The following CADM2 variants were observed in gnomAD, a reference collection of about 807,000 sequenced individuals.
CADM2 encodes cell adhesion molecule 2, also known as immunoglobulin superfamily member 4D.
CADM2 carries 12 observed loss-of-function variants against 49.8 expected under a neutral mutation model. The observed-to-expected ratio is 0.24, with a 90% CI of 0.15 to 0.39. The LOEUF (loss-of-function observed/expected upper bound fraction) is 0.39, where lower values mean the gene tolerates loss of function less well. CADM2 is among the 10% of genes least tolerant of loss of function. The pLI, the probability that CADM2 is intolerant of heterozygous loss-of-function variation, is 1.00. For synonymous variants in CADM2, 214 were observed against 175.4 expected (o/e 1.22, Z -1.74); for missense variants, 378 against 492.3 (o/e 0.77, Z 2.20).
chr3:85,359,651 TATATATATA>T (rs1473231961), intron 1 of CADM2, among the ~76,000 whole-genome samples: 2 of 15,286 alleles, frequency 1.3e-4, no homozygotes, highest in African/African-American at 2.2e-4. Context: ...TATATATATA[TATATATATA>T]TATATATTTT....
rs189743315 is a variant in CADM2 at position 85,227,959 on chromosome 3, T to C, written c.61+268291T>C. Among the ~76,000 whole-genome samples, 273 of 152,338 alleles carry C rather than the reference T, an allele frequency of 1.8e-3. 1 individual carries two copies. The highest frequency in any genetic ancestry group is 6.3e-3 in the African/African-American group (262 of 41,584). On this transcript the variant is annotated intron_variant, in intron 1 of 9. Transcript: ENST00000383699. ...TATTTTCTTTAAGAATGTTGAATAT[T>C]GGCCCCCATTCTCTTCTGGCTTATA...
intron 1 of CADM2, among the ~76,000 whole-genome samples, chr3:85,502,007 C>A (rs1032811375): frequency 6.6e-6 from 1 of 151,924 alleles, no homozygotes; most frequent in African/African-American, 2.4e-5. Flanking sequence ...TGAATTTAAA[C>A]GCTGAAAAAA....
chr3:85,783,358 C>T (rs568869400), intron 2 of CADM2, among the ~76,000 whole-genome samples: 1 of 152,302 alleles, frequency 6.6e-6, no homozygotes, highest in South Asian at 2.1e-4. Context: ...AAGTGTATGC[C>T]TTACTTCTCA....
At chr3:85,965,262 ATAT>A (rs2108625727) in intron 8 of CADM2, among the ~76,000 whole-genome samples, 1 of 148,252 alleles carries the variant, frequency 6.7e-6, no homozygotes, top group East Asian at 2.0e-4. Context: ...TTATTTATAA[ATAT>A]TATAAATATA....
At chr3:85,321,376 G>T (rs919596609) in intron 1 of CADM2, among the ~76,000 whole-genome samples, 1 of 150,348 alleles carries the variant, frequency 6.7e-6, no homozygotes, top group African/African-American at 2.4e-5. Context: ...GTAGACATAG[G>T]GTTTCGTCAT....
At chr3:85,446,200 A>G (rs906282139) in intron 1 of CADM2, among the ~76,000 whole-genome samples, 2 of 152,200 alleles carry the variant, frequency 1.3e-5, no homozygotes, top group Admixed American at 6.5e-5. Flanking sequence ...AACACAGAAG[A>G]GATTCAGTGA....
At chr3:85,675,135 A>G (rs899635515) in intron 1 of CADM2, among the ~76,000 whole-genome samples, 3 of 152,180 alleles carry the variant, frequency 2.0e-5, no homozygotes, top group African/African-American at 7.2e-5. Context: ...ATGACAAAGT[A>G]TCCGTGTGCC....
chr3:85,319,184 AT>A (rs954443389), intron 1 of CADM2, among the ~76,000 whole-genome samples: 1 of 152,166 alleles, frequency 6.6e-6, no homozygotes, highest in African/African-American at 2.4e-5. Context: ...TTAGCACCTA[AT>A]TTTTTAACCT....
At chr3:85,740,830 G>A (rs189002682) in intron 2 of CADM2, among the ~76,000 whole-genome samples, 20 of 152,150 alleles carry the variant, frequency 1.3e-4, no homozygotes, top group African/African-American at 2.7e-4. Flanking sequence ...GTAGCTTTCC[G>A]GCTGTGATTA....
chr3:85,571,860 A>G (rs57276248), intron 1 of CADM2, among the ~76,000 whole-genome samples: 78,075 of 152,110 alleles, frequency 0.51, 23,081 homozygotes, highest in East Asian at 0.85. Flanking sequence ...ACTTATAGTC[A>G]TGAATGAAAT....
chr3:85,810,230 C>T (rs146889331), intron 3 of CADM2, among the ~76,000 whole-genome samples: 116 of 152,202 alleles, frequency 7.6e-4, no homozygotes, highest in Middle Eastern at 3.4e-3. Flanking sequence ...TCTCTTTTCT[C>T]CCAACCTCTG....
At chr3:85,715,151 GAC>G (rs1329699186) in intron 1 of CADM2, among the ~76,000 whole-genome samples, 1 of 152,080 alleles carries the variant, frequency 6.6e-6, no homozygotes. Context: ...GAATGCTTAT[GAC>G]ACATAATTTT....
intron 3 of CADM2, among the ~76,000 whole-genome samples, chr3:85,860,532 A>T (rs1368403356): frequency 6.6e-6 from 1 of 152,158 alleles, no homozygotes; most frequent in Non-Finnish European, 1.5e-5. Context: ...TTTATTTCTC[A>T]CAGTTCTGGA....
chr3:85,124,332 G>A (rs948459147), intron 1 of CADM2, among the ~76,000 whole-genome samples: 2 of 152,122 alleles, frequency 1.3e-5, no homozygotes, highest in African/African-American at 4.8e-5. Flanking sequence ...GATGAGGTGC[G>A]GTAGCTCATG....
intron 1 of CADM2, among the ~76,000 whole-genome samples, chr3:85,607,118 T>C (rs1438686417): frequency 6.6e-6 from 1 of 151,960 alleles, no homozygotes. Flanking sequence ...CATAAAACTT[T>C]TAAAAAAGAG....
At chr3:85,141,053 A>G (rs1418553731) in intron 1 of CADM2, among the ~76,000 whole-genome samples, 1 of 152,202 alleles carries the variant, frequency 6.6e-6, no homozygotes, top group Non-Finnish European at 1.5e-5. Flanking sequence ...ATGTATTAGT[A>G]GCATTCAGTA....
chr3:85,647,286 C>T (rs2064916690), intron 1 of CADM2, among the ~76,000 whole-genome samples: 1 of 151,446 alleles, frequency 6.6e-6, no homozygotes, highest in Non-Finnish European at 1.5e-5. Context: ...GAAATGAAAC[C>T]ATTTTGTAAT....
At chr3:85,293,960 A>C (rs1448416296) in intron 1 of CADM2, among the ~76,000 whole-genome samples, 2 of 152,076 alleles carry the variant, frequency 1.3e-5, no homozygotes, top group Non-Finnish European at 2.9e-5. Flanking sequence ...AGGAAAAGGA[A>C]ATGAAGGGTA....
intron 1 of CADM2, among the ~76,000 whole-genome samples, chr3:85,001,375 C>T (rs954402103): frequency 6.6e-6 from 1 of 152,024 alleles, no homozygotes; most frequent in Non-Finnish European, 1.5e-5. Flanking sequence ...ATCTATCCAT[C>T]TATCCATCCG....
Sources: allele counts gnomAD v4.1 joint callset (sites outside exome capture counted in the v4.1 genomes callset), GRCh38; gene constraint gnomAD v4.1.1; transcripts MANE v1.5; gene names NCBI Gene and HGNC (gene_info 2026-07-23, HGNC 2026-07-21).